The following WWOX variants were observed in gnomAD, a reference collection of about 807,000 sequenced individuals.
The protein encoded by WWOX is WW domain-containing oxidoreductase.
WWOX carries 69 observed loss-of-function variants against 46.2 expected under a neutral mutation model. The observed-to-expected ratio is 1.49, with a 90% CI of 1.23 to 1.82. The LOEUF is 1.82. Among genes scored for constraint, WWOX ranks in the 40% most tolerant of loss-of-function variants. WWOX has a pLI of 0.00. For synonymous variants in WWOX, 359 were observed against 202.6 expected (o/e 1.77, Z -6.56); for missense variants, 919 against 542.6 (o/e 1.69, Z -6.89).
chr16:78,203,044 G>A (rs2036282463), intron 5 of WWOX, among the ~76,000 whole-genome samples: 1 of 152,070 alleles, frequency 6.6e-6, no homozygotes, highest in Admixed American at 6.5e-5. Flanking sequence ...GATTATAGTG[G>A]GAAAACAAAA....
intron 8 of WWOX, among the ~76,000 whole-genome samples, chr16:79,157,471 G>A (rs2050404301): frequency 6.6e-6 from 1 of 151,934 alleles, no homozygotes; most frequent in African/African-American, 2.4e-5. Context: ...TCTTTGCAGG[G>A]TTGTGTAAAG....
chr16:79,115,687 C>A (rs1034246543), intron 8 of WWOX, among the ~76,000 whole-genome samples: 7 of 152,140 alleles, frequency 4.6e-5, no homozygotes, highest in Non-Finnish European at 7.3e-5. Context: ...CTCTCCCAGC[C>A]CCCGCACTGG....
At chr16:78,368,414 A>T (rs559555608) in intron 5 of WWOX, among the ~76,000 whole-genome samples, 11 of 152,306 alleles carry the variant, frequency 7.2e-5, no homozygotes, top group African/African-American at 2.6e-4. Flanking sequence ...GTGGACTCAT[A>T]AAGTCACTGC....
intron 8 of WWOX, among the ~76,000 whole-genome samples, chr16:79,036,908 A>T (rs922164309): frequency 6.6e-6 from 1 of 152,196 alleles, no homozygotes; most frequent in Non-Finnish European, 1.5e-5. Context: ...CAGATGGGCA[A>T]TAAGTGGTTC....
intron 8 of WWOX, among the ~76,000 whole-genome samples, chr16:79,104,046 G>T (rs1322293154): frequency 1.7e-5 from 2 of 120,964 alleles, no homozygotes; most frequent in Non-Finnish European, 3.6e-5. Flanking sequence ...TTGGGGGGGG[G>T]GGGGCGGGTG....
intron 8 of WWOX, among the ~76,000 whole-genome samples, chr16:78,565,915 A>G (rs1415770279): frequency 1.8e-5 from 2 of 112,022 alleles, no homozygotes; most frequent in Non-Finnish European, 3.4e-5. Flanking sequence ...CCCCGCCCCC[A>G]ACATTGACTG....
intron 8 of WWOX, among the ~76,000 whole-genome samples, chr16:78,839,334 C>T (rs982314435): frequency 6.6e-6 from 1 of 152,114 alleles, no homozygotes. Context: ...ATCTAACTAT[C>T]CCCTGGCTTG....
chr16:79,022,632 C>T (rs2047556851), intron 8 of WWOX, among the ~76,000 whole-genome samples: 1 of 152,092 alleles, frequency 6.6e-6, no homozygotes, highest in African/African-American at 2.4e-5. Flanking sequence ...TACAAGTGTT[C>T]CTGGTTGTGG....
intron 8 of WWOX, among the ~76,000 whole-genome samples, chr16:79,010,261 CAG>C (rs776152127): frequency 6.6e-6 from 1 of 152,150 alleles, no homozygotes; most frequent in South Asian, 2.1e-4. Flanking sequence ...GCTGGGGACT[CAG>C]AGAGGAGCAG....
At chr16:78,461,222 C>A (rs747254092) in intron 8 of WWOX, among the ~76,000 whole-genome samples, 1 of 152,158 alleles carries the variant, frequency 6.6e-6, no homozygotes, top group Non-Finnish European at 1.5e-5. Flanking sequence ...AATCAGAGAG[C>A]CCACCTGTCC....
At chr16:79,096,573 A>C (rs2049078783) in intron 8 of WWOX, among the ~76,000 whole-genome samples, 1 of 152,070 alleles carries the variant, frequency 6.6e-6, no homozygotes, top group Non-Finnish European at 1.5e-5. Flanking sequence ...CCATCTTTAA[A>C]ACAGCAATCT....
chr16:78,135,460 A>G (rs564294408), intron 4 of WWOX, among the ~76,000 whole-genome samples: 20 of 152,332 alleles, frequency 1.3e-4, no homozygotes, highest in African/African-American at 3.8e-4. Flanking sequence ...GTTATCTTCA[A>G]TTCAAATCTT....
chr16:78,411,288 G>C (rs2082675228), intron 6 of WWOX, among the ~76,000 whole-genome samples: 1 of 152,096 alleles, frequency 6.6e-6, no homozygotes, highest in East Asian at 1.9e-4. Context: ...GTAGTAGTTT[G>C]CTTCTTTTTA....
chr16:78,413,852 T>A (rs2082736547), intron 6 of WWOX, among the ~76,000 whole-genome samples: 1 of 151,918 alleles, frequency 6.6e-6, no homozygotes, highest in Admixed American at 6.6e-5. Flanking sequence ...GCTGGTGCAA[T>A]GGCTTACCCC....
intron 8 of WWOX, among the ~76,000 whole-genome samples, chr16:78,435,855 C>A (rs745947065): frequency 2.3e-4 from 35 of 152,030 alleles, no homozygotes; most frequent in Admixed American, 2.6e-4. Flanking sequence ...GTGTAAGGAC[C>A]GACAATAATG....
chr16:78,348,886 A>T (rs971141574), intron 5 of WWOX, among the ~76,000 whole-genome samples: 2 of 117,980 alleles, frequency 1.7e-5, no homozygotes, highest in Admixed American at 1.7e-4. Context: ...GTGATACATT[A>T]ATGGAGGCAA....
chr16:78,810,737 C>T (rs552500896), intron 8 of WWOX, among the ~76,000 whole-genome samples: 3 of 152,246 alleles, frequency 2.0e-5, no homozygotes, highest in East Asian at 1.9e-4. Flanking sequence ...ACTAGATTTG[C>T]TCCCTTCTGT....
chr16:79,132,159 CACACACA>C (rs1567571776), intron 8 of WWOX, among the ~76,000 whole-genome samples: 2 of 140,408 alleles, frequency 1.4e-5, no homozygotes, highest in African/African-American at 5.2e-5. Flanking sequence ...CACACACACA[CACACACA>C]CCCCTTCCTA....
chr16:78,345,463 A>C (rs1436301977), intron 5 of WWOX, among the ~76,000 whole-genome samples: 2 of 17,064 alleles, frequency 1.2e-4, no homozygotes, highest in African/African-American at 4.8e-4. Flanking sequence ...GCTACCAAAA[A>C]AAAAAAAAAA....
Sources: gnomAD v4.1 joint callset for allele counts (sites outside exome capture counted in the v4.1 genomes callset) on GRCh38, gnomAD v4.1.1 for gene constraint, MANE v1.5 for transcripts, NCBI Gene and HGNC (gene_info 2026-07-23, HGNC 2026-07-21) for gene names.